PPP1R1C: variants seen among roughly 807,000 people sequenced by gnomAD.
PPP1R1C encodes the protein protein phosphatase 1 regulatory inhibitor subunit 1C.
Under a neutral mutation model 17.4 loss-of-function variants are expected in PPP1R1C, and 15 were observed. The ratio of observed to expected loss-of-function variants is 0.86; its 90% CI spans 0.58 to 1.33. The LOEUF (loss-of-function observed/expected upper bound fraction) is 1.33. Among genes scored for constraint, PPP1R1C ranks in the 40% most tolerant of loss-of-function variants. The pLI, the probability that PPP1R1C is intolerant of heterozygous loss-of-function variation, is 0.00. For missense variants in PPP1R1C, 143 were observed against 130.0 expected, an observed-to-expected ratio of 1.10 and a Z score of -0.48; for synonymous variants, 35 against 43.1, an observed-to-expected ratio of 0.81 and a Z score of 0.73.
At chr2:182,068,529 C>T (rs527352400) in intron 4 of PPP1R1C, among the ~76,000 whole-genome samples, 3 of 152,286 alleles carry the variant, frequency 2.0e-5, no homozygotes, top group South Asian at 4.1e-4. Flanking sequence ...AACATTCACT[C>T]CACTTTTGTT....
intron 2 of PPP1R1C, among the ~76,000 whole-genome samples, chr2:182,014,861 C>T (rs1232737645): frequency 3.3e-5 from 5 of 151,254 alleles, no homozygotes; most frequent in African/African-American, 1.2e-4. Context: ...GCCTGGCTAC[C>T]ACCAATGTTC....
intron 4 of PPP1R1C, among the ~76,000 whole-genome samples, chr2:182,115,795 T>G (rs560451080): frequency 6.9e-6 from 1 of 144,186 alleles, no homozygotes; most frequent in East Asian, 1.9e-4. Context: ...CAAATAGCAT[T>G]CTGAGGCTTG....
At chr2:182,011,438 A>T (rs1477758692) in intron 2 of PPP1R1C, among the ~76,000 whole-genome samples, 2 of 151,890 alleles carry the variant, frequency 1.3e-5, no homozygotes, top group Non-Finnish European at 2.9e-5. Flanking sequence ...GATCCTTTGA[A>T]TTTCTGCCAT....
chr2:181,990,678 A>G (rs1685450432), intron 2 of PPP1R1C, among the ~76,000 whole-genome samples: 1 of 152,214 alleles, frequency 6.6e-6, no homozygotes, highest in African/African-American at 2.4e-5. Context: ...TCTGTTCTAA[A>G]TATTTCTGCG....
At chr2:182,052,976 C>T (rs1687570539) in intron 2 of PPP1R1C, among the ~76,000 whole-genome samples, 1 of 152,104 alleles carries the variant, frequency 6.6e-6, no homozygotes, top group Admixed American at 6.5e-5. Flanking sequence ...AAGAAATTTT[C>T]TGTTTCTTGG....
intron 2 of PPP1R1C, among the ~76,000 whole-genome samples, chr2:182,025,499 A>G (rs4666805): frequency 0.13 from 14,711 of 116,968 alleles, 673 homozygotes; most frequent in East Asian, 0.25. Flanking sequence ...GAGAATGATG[A>G]TTTCCAATTT....
chr2:182,115,594 C>G (rs1458172517), intron 4 of PPP1R1C, among the ~76,000 whole-genome samples: 2 of 152,096 alleles, frequency 1.3e-5, no homozygotes, highest in East Asian at 1.9e-4. Flanking sequence ...AGCACTGAGA[C>G]CTCCTTTTCA....
chr2:182,094,796 T>C (rs1052016564), intron 4 of PPP1R1C, among the ~76,000 whole-genome samples: 3 of 152,174 alleles, frequency 2.0e-5, no homozygotes, highest in Admixed American at 6.5e-5. Flanking sequence ...AGTGTTCCAA[T>C]AATGGAACAG....
At chr2:182,105,696 T>C (rs1343432043) in intron 4 of PPP1R1C, among the ~76,000 whole-genome samples, 1 of 152,170 alleles carries the variant, frequency 6.6e-6, no homozygotes, top group Non-Finnish European at 1.5e-5. Context: ...TTTGATATAG[T>C]CTGATAGCAG....
At chr2:182,106,422 C>A (rs770694516) in intron 4 of PPP1R1C, among the ~76,000 whole-genome samples, 1 of 152,210 alleles carries the variant, frequency 6.6e-6, no homozygotes, top group Non-Finnish European at 1.5e-5. Context: ...GCTGTCAGGA[C>A]ATCGATGATG....
chr2:181,972,915 G>T (rs1685036732), intron 1 of PPP1R1C, among the ~76,000 whole-genome samples: 1 of 152,078 alleles, frequency 6.6e-6, no homozygotes, highest in African/African-American at 2.4e-5. Flanking sequence ...GAAATTTCAT[G>T]TTCTTTCTGA....
At chr2:182,118,224 T>C (rs1007934072), downstream of PPP1R1C, among the ~76,000 whole-genome samples, 3 of 152,236 alleles carry the variant, frequency 2.0e-5, no homozygotes, top group East Asian at 5.8e-4. Flanking sequence ...ATTATAGAAA[T>C]AAAAGAAAGA....
In PPP1R1C at chr2:181,957,251, T is replaced by C. The variant is rs1039956562; in HGVS notation, n.111+2617T>C. Among the ~76,000 whole-genome samples the C allele has an allele frequency of 2.0e-5, 3 of 152,120 alleles. No individual in the cohort carries two copies. Among genetic ancestry groups the C allele is most frequent in the Non-Finnish European group, 4.4e-5 (3 of 68,030 alleles). On this transcript the variant is annotated intron_variant and non_coding_transcript_variant, in intron 1 of 5. Coordinates refer to the PPP1R1C transcript ENST00000464264. This position sits in a 1 kb window ranked among gnomAD's most constrained non-coding sequence, Gnocchi z 4.2. The stretch of plus-strand genomic sequence containing the variant: ...AGTGCACCCCTGTAATCCCAGCTAT[T>C]CAGGAGGCTGAGGCAGAATTGCTTG...
chr2:181,971,127 T>G (rs1223399810), intron 1 of PPP1R1C, among the ~76,000 whole-genome samples: 1 of 152,064 alleles, frequency 6.6e-6, no homozygotes, highest in Non-Finnish European at 1.5e-5. Flanking sequence ...TGTTTCCATT[T>G]CTCAAGCAGA....
At chr2:182,005,815 T>G (rs780001491) in intron 2 of PPP1R1C, among the ~76,000 whole-genome samples, 4 of 152,190 alleles carry the variant, frequency 2.6e-5, no homozygotes, top group Non-Finnish European at 4.4e-5. Flanking sequence ...TAGGTTTGAA[T>G]GTCATTTACT....
intron 2 of PPP1R1C, among the ~76,000 whole-genome samples, chr2:182,036,792 G>A (rs1283505964): frequency 6.6e-6 from 1 of 152,074 alleles, no homozygotes; most frequent in African/African-American, 2.4e-5. Context: ...GTATGTGTAT[G>A]TATAATACAT....
chr2:182,015,671 C>G (rs1376890832), intron 2 of PPP1R1C, among the ~76,000 whole-genome samples: 1 of 152,140 alleles, frequency 6.6e-6, no homozygotes, highest in Non-Finnish European at 1.5e-5. Context: ...GCAGTGGGTT[C>G]CTTTCTGGCC....
At chr2:181,968,477 T>A (rs1684946289) in intron 1 of PPP1R1C, among the ~76,000 whole-genome samples, 1 of 152,248 alleles carries the variant, frequency 6.6e-6, no homozygotes, top group East Asian at 1.9e-4. Context: ...AGTTTTTGTC[T>A]TGAAGTCTAT....
intron 1 of PPP1R1C, among the ~76,000 whole-genome samples, chr2:181,974,677 T>C (rs924959496): frequency 7.9e-5 from 12 of 152,210 alleles, no homozygotes; most frequent in Non-Finnish European, 1.3e-4. Flanking sequence ...AATTTGAGAA[T>C]GTTCAGGTGT....
Sources: allele counts gnomAD v4.1 joint callset (sites outside exome capture counted in the v4.1 genomes callset), GRCh38; gene constraint gnomAD v4.1.1; non-coding constraint Gnocchi (gnomAD v3.1); transcripts MANE v1.5; gene names NCBI Gene and HGNC (gene_info 2026-07-23, HGNC 2026-07-21).